RAD21: variants seen among roughly 807,000 people sequenced by gnomAD.
The protein encoded by RAD21 is double-strand-break repair protein rad21 homolog.
Under a neutral mutation model 71.5 loss-of-function variants are expected in RAD21, and 18 were observed. The ratio of observed to expected loss-of-function variants is 0.25; its 90% CI spans 0.17 to 0.37. RAD21 has a LOEUF of 0.37. Among genes scored for constraint, RAD21 ranks in the 10% least tolerant of loss-of-function variants. The pLI is 1.00. For synonymous variants in RAD21, 248 were observed against 254.0 expected (o/e 0.98, Z 0.22); for missense variants, 493 against 769.1 (o/e 0.64, Z 4.25).
At position 116,846,547 on chromosome 8, in the gene RAD21, T is replaced by A; in HGVS notation, c.*953A>T. ...CAGCACTGGAAAAGGAGATCAGTAC[T>A]AAAACTTACAATAAATATCAGAGAA... On this transcript the variant is annotated 3_prime_UTR_variant, in exon 14 of 14. Coordinates refer to ENST00000297338, the MANE Select transcript of RAD21 (RefSeq NM_006265.3). 4.4e-6 allele frequency: 1 copy of A among 228,518 alleles called. No individual in the cohort carries two copies. Among genetic ancestry groups the A allele is most frequent in the Non-Finnish European group, 8.7e-6 (1 of 114,868 alleles). 14.2% of individuals were successfully genotyped at this position (228,518 alleles called of 1,614,324 possible).
intron 1 of RAD21, among the ~76,000 whole-genome samples, chr8:116,871,542 A>G (rs1285723243): frequency 6.6e-6 from 1 of 152,232 alleles, no homozygotes; most frequent in Non-Finnish European, 1.5e-5. Context: ...AAAGCATGGC[A>G]GGACTGCGGT....
chr8:116,868,740 G>C (rs1187208654), intron 1 of RAD21, among the ~76,000 whole-genome samples: 1 of 151,598 alleles, frequency 6.6e-6, no homozygotes, highest in Non-Finnish European at 1.5e-5. Context: ...ATTGGTATTA[G>C]CAGAGGAAAC....
chr8:116,869,618 A>G (rs1812769655), intron 1 of RAD21, among the ~76,000 whole-genome samples: 1 of 152,178 alleles, frequency 6.6e-6, no homozygotes, highest in Middle Eastern at 3.2e-3. Context: ...AAGAAGAGAA[A>G]TTTCACAGAA....
intron 2 of RAD21, among the ~76,000 whole-genome samples, chr8:116,863,846 G>C (rs1465275794): frequency 6.6e-6 from 1 of 152,028 alleles, no homozygotes; most frequent in Non-Finnish European, 1.5e-5. Context: ...AACACACTAA[G>C]GATGGAGAGT....
chr8:116,859,486 C>T (rs187843314), intron 4 of RAD21, among the ~76,000 whole-genome samples: 2 of 152,166 alleles, frequency 1.3e-5, no homozygotes, highest in East Asian at 3.9e-4. Flanking sequence ...AGTGATTCTC[C>T]CACCTAAGCC....
chr8:116,862,034 T>C, intron 3 of RAD21, 94 bp from the exon 4 acceptor site: 2 of 946,596 alleles, frequency 2.1e-6, no homozygotes, highest in Non-Finnish European at 1.7e-6. Context: ...TAAGTTTATA[T>C]TCTCATAGAA....
rs762663736 is a variant in RAD21, at chr8:116,866,764, AAG to A, written c.-32-5_-32-4del. Reference sequence around the variant, plus strand: ...TGGCTATGAAAACAGAAGAAAACCTAAGAGGGGAAAAAAAAGTTAATGTAAAC... The same window carrying A: ...TGGCTATGAAAACAGAAGAAAACCTAAGGGGAAAAAAAAGTTAATGTAAAC... On this transcript the variant is annotated splice_region_variant and splice_polypyrimidine_tract_variant and intron_variant, in intron 1 of 13. Coordinates refer to ENST00000297338, the MANE Select transcript of RAD21 (RefSeq NM_006265.3). 3.9e-6 allele frequency: 6 copies of A among 1,536,040 alleles called. No individual in the cohort carries two copies. The highest frequency in any genetic ancestry group is 4.4e-6 in the Non-Finnish European group (5 of 1,142,934).
chr8:116,860,168 C>CTT (rs918975334), intron 4 of RAD21, among the ~76,000 whole-genome samples: 3 of 152,116 alleles, frequency 2.0e-5, no homozygotes, highest in African/African-American at 7.2e-5. Context: ...TGGAATAAAA[C>CTT]TTTAACAAAT....
chr8:116,873,908 G>A lies in RAD21; in HGVS notation c.-33+703C>T, dbSNP rs535797998. 3.3e-5 allele frequency among the ~76,000 whole-genome samples: 5 copies of A among 152,234 alleles called. No individual in the cohort carries two copies. In the South Asian group the frequency reaches 6.2e-4, roughly 19 times the overall value. Reference sequence around the variant, plus strand: ...TAAAGAATGATCAGAAAAGTTCAGGGGAAAACCAATTATGCAAATATCCTT... The same window carrying A: ...TAAAGAATGATCAGAAAAGTTCAGGAGAAAACCAATTATGCAAATATCCTT... On this transcript the variant is annotated intron_variant, in intron 1 of 13. Coordinates refer to ENST00000297338, the MANE Select transcript of RAD21 (RefSeq NM_006265.3).
chr8:116,860,311 GCAGTGGTAGGGTTT>G (rs1586271080), intron 4 of RAD21, among the ~76,000 whole-genome samples: 3 of 152,294 alleles, frequency 2.0e-5, no homozygotes. Context: ...GGTTGATAAA[GCAGTGGTAGGGTTT>G]CAGACGATTA....
rs2130447019 is a variant in RAD21 at position 116,845,934 on chromosome 8, T to C, written c.*1566A>G. On this transcript the variant is annotated 3_prime_UTR_variant, in exon 14 of 14. Coordinates refer to ENST00000297338, the MANE Select transcript of RAD21 (RefSeq NM_006265.3). ...ACTGAATAATGAATACTCAAAAAAG[T>C]ACAGCTTATAACACAACTTTTATTA... 1 of 219,956 alleles carries C rather than the reference T, an allele frequency of 4.5e-6. No homozygotes were observed. The highest frequency in any genetic ancestry group is 6.8e-5 in the East Asian group (1 of 14,802). The allele number at this position is 219,956 out of a possible 1,614,324, so 13.6% of individuals were successfully genotyped here.
Position 116,847,847 on chromosome 8 carries a change from AT to A in RAD21, c.1705-157del, listed in dbSNP as rs570899526. On this transcript the variant is annotated intron_variant, in intron 13 of 13. Coordinates refer to ENST00000297338, the MANE Select transcript of RAD21 (RefSeq NM_006265.3). ...TGGAGCCTAGTGAGGTGTTTGTGTC[AT>A]GGGGTGGGGATGGGGGTGGTGGTGG... 3.3e-3 allele frequency among the ~76,000 whole-genome samples: 506 copies of A among 152,208 alleles called. 4 individuals are homozygous for A. Among genetic ancestry groups the A allele is most frequent in the African/African-American group, 0.011 (475 of 41,510 alleles).
intron 1 of RAD21, among the ~76,000 whole-genome samples, chr8:116,870,240 A>C (rs1262596083): frequency 6.6e-6 from 1 of 152,236 alleles, no homozygotes. Context: ...AGGAAGGAAG[A>C]AATTGGCTAG....
At chr8:116,864,554 A>G (rs1812654122) in intron 2 of RAD21, among the ~76,000 whole-genome samples, 1 of 152,158 alleles carries the variant, frequency 6.6e-6, no homozygotes, top group Non-Finnish European at 1.5e-5. Flanking sequence ...TTTATCAGAC[A>G]ATGAATCCCT....
intron 10 of RAD21, 125 bp downstream of exon 10, chr8:116,852,424 T>G (rs1812370317): frequency 9.2e-7 from 1 of 1,087,176 alleles, no homozygotes; most frequent in African/African-American, 1.6e-5. Flanking sequence ...TCCAATGCAT[T>G]TCCCTGCCCA....
chr8:116,856,616 C>G, intron 7 of RAD21, 30 bp downstream of exon 7: 1 of 1,559,134 alleles, frequency 6.4e-7, no homozygotes, highest in Non-Finnish European at 8.7e-7. Flanking sequence ...ATACAATCAT[C>G]CCCAGAATCA....
At position 116,846,027 on chromosome 8, in the gene RAD21, AC is replaced by A. The variant is rs1812247564; in HGVS notation, c.*1472del. The A allele has an allele frequency of 4.3e-6, 1 of 230,756 alleles. No individual in the cohort carries two copies. The highest frequency in any genetic ancestry group is 8.6e-6 in the Non-Finnish European group (1 of 116,364). 14.3% of individuals were successfully genotyped at this position (230,756 alleles called of 1,614,324 possible). ...ATATTAAACCCGATAAGCAACAAAA[AC>A]CAGACTAACAAAATGTGTAACAAGA... is the stretch of plus-strand genomic sequence containing the variant. On this transcript the variant is annotated 3_prime_UTR_variant, in exon 14 of 14. Transcript: ENST00000297338.
intron 1 of RAD21, among the ~76,000 whole-genome samples, chr8:116,871,260 C>A (rs1812817804): frequency 6.6e-6 from 1 of 152,040 alleles, no homozygotes. Flanking sequence ...CTGCTAAATC[C>A]TTTATGAAAA....
intron 4 of RAD21, among the ~76,000 whole-genome samples, 154 bp from the exon 5 acceptor site, chr8:116,858,612 C>A (rs1812521287): frequency 6.6e-6 from 1 of 152,096 alleles, no homozygotes; most frequent in Admixed American, 6.5e-5. Flanking sequence ...CATTCCAGTA[C>A]AATCCAAGAA....
Sources: allele counts gnomAD v4.1 joint callset (sites outside exome capture counted in the v4.1 genomes callset), GRCh38; gene constraint gnomAD v4.1.1; transcripts MANE v1.5; gene names NCBI Gene and HGNC (gene_info 2026-07-23, HGNC 2026-07-21).